ZNF423: variants seen among roughly 807,000 people sequenced by gnomAD.
The protein encoded by ZNF423 is Ebf-associated zinc finger protein.
Under a neutral mutation model 95.8 loss-of-function variants are expected in ZNF423, and 12 were observed. The observed-to-expected ratio is 0.13, with a 90% confidence interval of 0.08 to 0.20. The LOEUF is 0.20. Among genes scored for constraint, ZNF423 ranks in the 10% least tolerant of loss-of-function variants. The pLI is 1.00. For synonymous variants in ZNF423, 749 were observed against 711.9 expected (o/e 1.05, Z -0.83); for missense variants, 1,316 against 1,737.1 (o/e 0.76, Z 4.31).
intron 2 of ZNF423, among the ~76,000 whole-genome samples, chr16:49,738,904 G>A (rs970684055): frequency 6.6e-6 from 1 of 152,036 alleles, no homozygotes; most frequent in South Asian, 2.1e-4. Context: ...AACTGTACAG[G>A]AGCCATCGGG....
At chr16:49,738,678 G>C (rs981299997) in intron 2 of ZNF423, among the ~76,000 whole-genome samples, 3 of 152,032 alleles carry the variant, frequency 2.0e-5, no homozygotes, top group Non-Finnish European at 2.9e-5. Context: ...CCAGTGGAGC[G>C]GAGAAAGTGA....
At chr16:49,615,254 G>T (rs1489875828) in intron 5 of ZNF423, among the ~76,000 whole-genome samples, 1 of 152,080 alleles carries the variant, frequency 6.6e-6, no homozygotes, top group Non-Finnish European at 1.5e-5. Context: ...GTAAAATACA[G>T]GACGGCAGGC....
chr16:49,849,211 G>A lies in ZNF423; in HGVS notation c.40+6524C>T, dbSNP rs149551031. On this transcript the variant is annotated intron_variant, in intron 1 of 7. Transcript: ENST00000563137. Reference sequence around the variant, plus strand: ...AGGACAGATGACATGATTTTCTTATGAGACCCCTTCTACCCTTCTACATGA... The same window carrying A: ...AGGACAGATGACATGATTTTCTTATAAGACCCCTTCTACCCTTCTACATGA... 3.9e-4 allele frequency among the ~76,000 whole-genome samples: 59 copies of A among 152,172 alleles called. 1 individual carries two copies. Among genetic ancestry groups the A allele is most frequent in the Admixed American group, 1.4e-3 (22 of 15,288 alleles).
Position 49,636,037 on chromosome 16 carries a change from C to A in ZNF423, c.3139G>T (p.Gly1047Cys). The change falls in exon 4 of 8, where the codon GGC becomes TGC. Residue 1047 changes from glycine (G) to cysteine (C), a missense_variant. Coordinates refer to ENST00000563137, the MANE Select transcript of ZNF423 (RefSeq NM_001379286.1). The surrounding 1 kb of genome is among the most constrained non-coding windows in gnomAD (Gnocchi z 8.6). ...VTSTLELKIH[G>C]TFHMQKLAGS... ...GCCAGCTTCTGCATGTGGAAGGTGCCATGGATCTTGAGCTCAAGCGTGGAA... is the reference window on the plus strand; with the variant it reads ...GCCAGCTTCTGCATGTGGAAGGTGCAATGGATCTTGAGCTCAAGCGTGGAA... The A allele has an allele frequency of 6.2e-7, 1 of 1,612,040 alleles. No individual in the cohort carries two copies. Among genetic ancestry groups the A allele is most frequent in the Non-Finnish European group, 8.5e-7 (1 of 1,178,450 alleles).
At chr16:49,661,515 G>A (rs556597107) in intron 3 of ZNF423, among the ~76,000 whole-genome samples, 3 of 152,280 alleles carry the variant, frequency 2.0e-5, no homozygotes, top group African/African-American at 7.2e-5. Flanking sequence ...GGAGGAATTC[G>A]GGCCAGCCAA....
At chr16:49,660,561 G>A (rs897879643) in intron 3 of ZNF423, among the ~76,000 whole-genome samples, 1 of 152,202 alleles carries the variant, frequency 6.6e-6, no homozygotes, top group African/African-American at 2.4e-5. Flanking sequence ...CCTGGGTCCA[G>A]TGGGGCTGCC....
chr16:49,566,021 T>A (rs957737071), intron 5 of ZNF423, among the ~76,000 whole-genome samples: 5 of 152,030 alleles, frequency 3.3e-5, no homozygotes, highest in Non-Finnish European at 5.9e-5. Flanking sequence ...CTTCCTTCCA[T>A]CCATCCTTAA....
chr16:49,757,855 C>A (rs150684984), intron 2 of ZNF423, among the ~76,000 whole-genome samples: 2 of 152,288 alleles, frequency 1.3e-5, no homozygotes, highest in African/African-American at 2.4e-5. Flanking sequence ...AAGAATGACG[C>A]ACAGGATCTC....
intron 1 of ZNF423, among the ~76,000 whole-genome samples, chr16:49,812,420 A>G (rs2034767668): frequency 6.6e-6 from 1 of 152,194 alleles, no homozygotes; most frequent in Admixed American, 6.5e-5. Context: ...GGGGCTGGGC[A>G]TGGTGGCTCA....
At chr16:49,740,213 C>A (rs1165137980) in intron 2 of ZNF423, among the ~76,000 whole-genome samples, 1 of 152,198 alleles carries the variant, frequency 6.6e-6, no homozygotes, top group Non-Finnish European at 1.5e-5. Context: ...TAACAGCCTG[C>A]ACGTTTCCTA....
At position 49,637,065 on chromosome 16, in the gene ZNF423, C is replaced by T. The variant is rs755324849; in HGVS notation, c.2111G>A (p.Ser704Asn). The stretch of plus-strand genomic sequence containing the variant: ...CACCGAGGAAAATTGCTTGTCGCAG[C>T]TCTCGCACACATAGTGGGTCGACGT... The part of the protein sequence containing the change: ...MTTSTHYVCE[S>N]CDKQFSSVDD... The change falls in exon 4 of 8, where the codon AGC becomes AAC. Residue 704 changes from serine to asparagine, a missense_variant. Coordinates refer to ENST00000563137, the MANE Select transcript of ZNF423 (RefSeq NM_001379286.1). This position sits in a 1 kb window ranked among gnomAD's most constrained non-coding sequence, Gnocchi z 5.6. The T allele has an allele frequency of 8.7e-6, 14 of 1,613,860 alleles. No homozygotes were observed. Among genetic ancestry groups the T allele is most frequent in the Non-Finnish European group, 7.6e-6 (9 of 1,180,036 alleles).
intron 1 of ZNF423, among the ~76,000 whole-genome samples, chr16:49,801,646 C>T (rs1411688869): frequency 2.6e-5 from 4 of 152,210 alleles, no homozygotes; most frequent in African/African-American, 9.6e-5. Flanking sequence ...TCCCAGACCC[C>T]ATCCCAGACC....
intron 5 of ZNF423, among the ~76,000 whole-genome samples, chr16:49,616,797 C>G (rs1235408757): frequency 6.6e-6 from 1 of 152,134 alleles, no homozygotes; most frequent in African/African-American, 2.4e-5. Context: ...ATCCTCTGAG[C>G]TGATAAGCAC....
At chr16:49,726,614 CAATTCAG>C (rs2033021484) in intron 3 of ZNF423, among the ~76,000 whole-genome samples, 1 of 152,114 alleles carries the variant, frequency 6.6e-6, no homozygotes, top group Non-Finnish European at 1.5e-5. Context: ...CCATCCTTGG[CAATTCAG>C]ACAGCCACCA....
At chr16:49,569,079 A>G (rs1252301213) in intron 5 of ZNF423, among the ~76,000 whole-genome samples, 1 of 152,180 alleles carries the variant, frequency 6.6e-6, no homozygotes, top group Non-Finnish European at 1.5e-5. Context: ...CCTACTGCGC[A>G]TGCCACTGGT....
Position 49,695,963 on chromosome 16 carries a change from C to T in ZNF423, c.301+34808G>A, listed in dbSNP as rs1283498205. On this transcript the variant is annotated intron_variant, in intron 3 of 7. Transcript: ENST00000563137. ...TATCCCCATTTTATAGATGAGGAAA[C>T]TGAGGCACAGAGACCTTCAGGAAAT... is the stretch of plus-strand genomic sequence containing the variant. 2.0e-5 allele frequency among the ~76,000 whole-genome samples: 3 copies of T among 152,186 alleles called. No homozygotes were observed. The East Asian group carries it at 5.8e-4, about 29-fold the overall frequency.
At chr16:49,620,074 A>T (rs1972007919) in intron 5 of ZNF423, among the ~76,000 whole-genome samples, 1 of 151,644 alleles carries the variant, frequency 6.6e-6, no homozygotes, top group Admixed American at 6.6e-5. Context: ...CTTCATAAAG[A>T]CTTGTAAGGT....
At chr16:49,523,342 T>G (rs1037527621) in intron 7 of ZNF423, among the ~76,000 whole-genome samples, 2 of 152,162 alleles carry the variant, frequency 1.3e-5, no homozygotes, top group African/African-American at 4.8e-5. Context: ...GTAGGGAAAT[T>G]GGAATCCCCA....
chr16:49,502,734 G>C (rs918463038), intron 7 of ZNF423, among the ~76,000 whole-genome samples: 1 of 151,726 alleles, frequency 6.6e-6, no homozygotes, highest in African/African-American at 2.4e-5. Context: ...CCAAGGCAGC[G>C]TTCCTATTAC....
Sources: allele counts gnomAD v4.1 joint callset (sites outside exome capture counted in the v4.1 genomes callset), GRCh38; gene constraint gnomAD v4.1.1; non-coding constraint Gnocchi (gnomAD v3.1); transcripts MANE v1.5; gene names NCBI Gene and HGNC (gene_info 2026-07-23, HGNC 2026-07-21).